ZNF701: variants seen among roughly 807,000 people sequenced by gnomAD.
ZNF701 encodes the protein zinc finger protein 701.
A neutral mutation model predicts 7.1 loss-of-function variants in ZNF701; 6 were observed. That is an observed-to-expected ratio of 0.84 (90% CI 0.46 to 1.66). The LOEUF is 1.66. Among genes scored for constraint, ZNF701 ranks in the 40% most tolerant of loss-of-function variants. ZNF701 has a pLI of 0.01. For synonymous variants in ZNF701, 166 were observed against 188.2 expected (o/e 0.88, Z 0.97); for missense variants, 541 against 559.2 (o/e 0.97, Z 0.33).
chr19:52,592,119 G>A (rs2060039302), downstream of ZNF701: 2 of 1,244,988 alleles, frequency 1.6e-6, no homozygotes, highest in Admixed American at 1.9e-5. Flanking sequence ...AGACTTTCAG[G>A]GATGTGGCTA....
intron 1 of ZNF701, among the ~76,000 whole-genome samples, chr19:52,571,525 A>G (rs1320614246): frequency 6.6e-6 from 1 of 152,068 alleles, no homozygotes; most frequent in East Asian, 1.9e-4. Flanking sequence ...GAGCCCAGGT[A>G]ATTTTTGTAT....
At chr19:52,580,216 T>G (rs1388999121) in intron 3 of ZNF701, among the ~76,000 whole-genome samples, 2 of 151,510 alleles carry the variant, frequency 1.3e-5, no homozygotes, top group South Asian at 4.1e-4. Flanking sequence ...GTGCTGGGAT[T>G]ACAGGCGTGA....
rs1055878153 is a variant in ZNF701 at position 52,586,580 on chromosome 19, G to A, written c.*3123G>A. On this transcript the variant is annotated 3_prime_UTR_variant, in exon 4 of 4. Coordinates refer to ENST00000391785, the MANE Select transcript of ZNF701 (RefSeq NM_018260.3). ...AGTCCTGGCATTTTGTAGAAGGATG[G>A]CCAACGCAGCCTGTTGACCCTTCCT... is the stretch of plus-strand genomic sequence containing the variant. 3.3e-5 allele frequency: 5 copies of A among 152,192 alleles called. No individual in the cohort carries two copies. The East Asian group carries it at 5.8e-4, about 18-fold the overall frequency. 9.4% of individuals were successfully genotyped at this position (152,192 alleles called of 1,614,324 possible).
chr19:52,578,053 G>A (rs2059947349), intron 3 of ZNF701, among the ~76,000 whole-genome samples: 1 of 151,862 alleles, frequency 6.6e-6, no homozygotes, highest in Non-Finnish European at 1.5e-5. Flanking sequence ...AGGAGATCGA[G>A]ACCATCCTGG....
chr19:52,572,254 C>CTAAAGAG (rs2059905808), intron 1 of ZNF701: 2 of 443,398 alleles, frequency 4.5e-6, no homozygotes, highest in African/African-American at 4.2e-5. Flanking sequence ...GGGGTTTCTC[C>CTAAAGAG]ATGTTGGTCA....
rs781395472 is a variant in ZNF701 at position 52,583,330 on chromosome 19, A to T, written c.1271A>T (p.Asn424Ile). Residue 424 changes from asparagine to isoleucine, a missense_variant, in exon 4 of 4, where the codon AAC becomes ATC. Asn to Ile is a moderately radical substitution (Grantham distance 149, BLOSUM62 -3). Transcript: ENST00000391785. Reference protein sequence around the residue: ...ECGKVFNHKSNLACHRRLHTG... With the variant: ...ECGKVFNHKSILACHRRLHTG... Reference sequence around the variant, plus strand: ...GGCAAGGTTTTTAATCACAAATCAAACCTTGCATGTCATCGTAGACTTCAT... The same window carrying T: ...GGCAAGGTTTTTAATCACAAATCAATCCTTGCATGTCATCGTAGACTTCAT... 1.2e-6 allele frequency: 2 copies of T among 1,604,628 alleles called. No individual in the cohort carries two copies. Among genetic ancestry groups the T allele is most frequent in the Non-Finnish European group, 1.7e-6 (2 of 1,172,284 alleles).
the ZNF701 span, chr19:52,596,985 C>T: frequency 1.1e-6 from 1 of 889,420 alleles, no homozygotes; most frequent in Non-Finnish European, 1.8e-6. Flanking sequence ...TCAAGCAATC[C>T]ATGGTGTAGG....
In ZNF701 at chr19:52,585,663, C is replaced by G. The variant is rs2060006230; in HGVS notation, c.*2206C>G. Reference sequence around the variant, plus strand: ...TGGGGGTGGGCCCAAGCGAGCGTCTCCAGGGCCCCATTTACAAAGTTTTTG... The same window carrying G: ...TGGGGGTGGGCCCAAGCGAGCGTCTGCAGGGCCCCATTTACAAAGTTTTTG... On this transcript the variant is annotated 3_prime_UTR_variant, in exon 4 of 4. Transcript: ENST00000391785. 6.6e-6 allele frequency: 1 copy of G among 151,872 alleles called. No individual in the cohort carries two copies. Among genetic ancestry groups the G allele is most frequent in the African/African-American group, 2.4e-5 (1 of 41,388 alleles). 9.4% of individuals were successfully genotyped at this position (151,872 alleles called of 1,614,324 possible).
chr19:52,571,373 G>A (rs770770366), intron 1 of ZNF701, among the ~76,000 whole-genome samples: 4 of 151,952 alleles, frequency 2.6e-5, no homozygotes, highest in Non-Finnish European at 5.9e-5. Flanking sequence ...GGGGACGGGG[G>A]GTAAAACAGA....
At position 52,585,466 on chromosome 19, in the gene ZNF701, C is replaced by T. The variant is rs1049293845; in HGVS notation, c.*2009C>T. On this transcript the variant is annotated 3_prime_UTR_variant, in exon 4 of 4. Coordinates refer to ENST00000391785, the MANE Select transcript of ZNF701 (RefSeq NM_018260.3). ...ACGTGCTTCTCCTGGAGGCAACCCT[C>T]TTTTTCCACCCTCGCCCTGTTGTTC... The T allele has an allele frequency of 4.6e-5, 7 of 151,852 alleles. No homozygotes were observed. Among genetic ancestry groups the T allele is most frequent in the African/African-American group, 1.5e-4 (6 of 41,320 alleles). 9.4% of individuals were successfully genotyped at this position (151,852 alleles called of 1,614,324 possible). A position where few individuals can be genotyped will look rare whatever the true frequency, so the allele number is the denominator to read the frequency against.
At chr19:52,593,455 G>A in the ZNF701 span, among the ~76,000 whole-genome samples, 10 of 114,574 alleles carry the variant, frequency 8.7e-5, 3 homozygotes, top group South Asian at 3.0e-3. Flanking sequence ...GCCGGGCAGA[G>A]GGGCTCCTCA....
downstream of ZNF701, among the ~76,000 whole-genome samples, chr19:52,591,283 T>C (rs577630795): frequency 3.4e-4 from 52 of 152,258 alleles, no homozygotes; most frequent in South Asian, 0.011. Flanking sequence ...GTTCTATCGA[T>C]TTTTCTGCCT....
chr19:52,585,398 C>G lies in ZNF701; in HGVS notation c.*1941C>G, dbSNP rs1042355532. 2.6e-5 allele frequency: 4 copies of G among 152,398 alleles called. No individual in the cohort carries two copies. Among genetic ancestry groups the G allele is most frequent in the Non-Finnish European group, 5.9e-5 (4 of 68,190 alleles). 9.4% of individuals were successfully genotyped at this position (152,398 alleles called of 1,614,324 possible). On this transcript the variant is annotated 3_prime_UTR_variant, in exon 4 of 4. Transcript: ENST00000391785. ...AGGCGCCATCGCCCACCACCTCCCTCCTCGTGCCGGCCCTGCTTCTCCCCA... is the reference window on the plus strand; with the variant it reads ...AGGCGCCATCGCCCACCACCTCCCTGCTCGTGCCGGCCCTGCTTCTCCCCA...
the ZNF701 span, among the ~76,000 whole-genome samples, chr19:52,593,824 A>C: frequency 5.6e-4 from 61 of 109,162 alleles, no homozygotes; most frequent in African/African-American, 2.1e-3. Context: ...GACGCTCCTC[A>C]CTTTCCAGAC....
downstream of ZNF701, among the ~76,000 whole-genome samples, chr19:52,589,549 G>A (rs936223607): frequency 6.9e-5 from 10 of 145,782 alleles, no homozygotes; most frequent in Non-Finnish European, 1.2e-4. Context: ...GCACGATCTT[G>A]GCTGACTGCA....
chr19:52,583,704 T>C lies in ZNF701; in HGVS notation c.*247T>C. On this transcript the variant is annotated 3_prime_UTR_variant, in exon 4 of 4. Transcript: ENST00000391785. ...TGGAATTCACACTGGAAAGGAACTG[T>C]ACAAGTGTAATGAGTGTGGCAGAGC... 1 of 838,440 alleles carries C rather than the reference T, an allele frequency of 1.2e-6. No individual in the cohort carries two copies. 51.9% of individuals were successfully genotyped at this position (838,440 alleles called of 1,614,324 possible). A position where few individuals can be genotyped will look rare whatever the true frequency, so the allele number is the denominator to read the frequency against.
chr19:52,579,502 G>A (rs547761160), intron 3 of ZNF701, among the ~76,000 whole-genome samples: 6 of 110,212 alleles, frequency 5.4e-5, no homozygotes, highest in South Asian at 2.7e-4. Flanking sequence ...CCTGGGCAAC[G>A]AGAGCGAAAC....
chr19:52,582,865 C>G lies in ZNF701; in HGVS notation c.806C>G (p.Pro269Arg). The part of the protein sequence containing the change: ...ACHRCHTGEN[P>R]YTCNECGKTF... ...CATAGATGTCACACTGGTGAGAATC[C>G]TTACACGTGTAATGAGTGTGGCAAG... The change falls in exon 4 of 4, where the codon CCT (proline) becomes CGT (arginine). Residue 269 changes from proline to arginine, a missense_variant. Coordinates refer to ENST00000391785, the MANE Select transcript of ZNF701 (RefSeq NM_018260.3). 1.2e-6 allele frequency: 2 copies of G among 1,613,126 alleles called. No individual in the cohort carries two copies. The highest frequency in any genetic ancestry group is 1.7e-6 in the Non-Finnish European group (2 of 1,179,278).
rs201815426 is a variant in ZNF701 at position 52,582,825 on chromosome 19, C to T, written c.766C>T (p.Arg256Ter). ...ATGCGGCAAGGACTTTCATCAGAAG[C>T]GATACCTTGCATGCCATAGATGTCA... ...DVCGKDFHQK[R>*]YLACHRCHTG... Residue 256 changes from arginine (R) to a stop codon, truncating the protein, a stop_gained, in exon 4 of 4, where the codon CGA (arginine) becomes TGA (stop). Coordinates refer to ENST00000391785, the MANE Select transcript of ZNF701 (RefSeq NM_018260.3). LOFTEE classifies it low-confidence loss of function (END_TRUNC). The T allele has an allele frequency of 9.3e-6, 15 of 1,614,104 alleles. No individual in the cohort carries two copies. Among genetic ancestry groups the T allele is most frequent in the Middle Eastern group, 1.6e-4 (1 of 6,062 alleles).
Sources: gnomAD v4.1 joint callset for allele counts (sites outside exome capture counted in the v4.1 genomes callset) on GRCh38, gnomAD v4.1.1 for gene constraint, MANE v1.5 for transcripts, NCBI Gene and HGNC (gene_info 2026-07-23, HGNC 2026-07-21) for gene names.